The following SLC17A8 variants were observed in gnomAD, a reference collection of about 807,000 sequenced individuals.
The protein encoded by SLC17A8 is vesicular glutamate transporter 3.
Under a neutral mutation model 58.0 loss-of-function variants are expected in SLC17A8, and 31 were observed. The observed-to-expected ratio is 0.53, with a 90% CI of 0.40 to 0.72. SLC17A8 has a LOEUF of 0.72. Among genes scored for constraint, SLC17A8 ranks in the 30% least tolerant of loss-of-function variants. The pLI is 0.00. For synonymous variants in SLC17A8, 228 were observed against 249.0 expected (o/e 0.92, Z 0.79); for missense variants, 655 against 727.8 (o/e 0.90, Z 1.15).
chr12:100,363,940 G>A (rs1010757363), intron 1 of SLC17A8, among the ~76,000 whole-genome samples: 1 of 151,566 alleles, frequency 6.6e-6, no homozygotes, highest in African/African-American at 2.4e-5. Flanking sequence ...CTACTCAGGA[G>A]GCTGAGGCAG....
At chr12:100,381,092 A>G (rs1476018741) in intron 2 of SLC17A8, 139 bp downstream of exon 2, 1 of 920,908 alleles carries the variant, frequency 1.1e-6, no homozygotes, top group Non-Finnish European at 1.7e-6. Flanking sequence ...CCATCTCAGC[A>G]TCCTCCCATT....
intron 1 of SLC17A8, among the ~76,000 whole-genome samples, chr12:100,374,830 A>T (rs564853048): frequency 2.0e-5 from 3 of 152,066 alleles, no homozygotes; most frequent in Non-Finnish European, 4.4e-5. Flanking sequence ...TGGGCAAAGA[A>T]AAGTGAGATC....
chr12:100,357,495 A>G lies in SLC17A8; in HGVS notation c.101+3A>G, dbSNP rs1478735314. 3 of 1,592,292 alleles carry G rather than the reference A, an allele frequency of 1.9e-6. No individual in the cohort carries two copies. Among genetic ancestry groups the G allele is most frequent in the Admixed American group, 1.7e-5 (1 of 59,986 alleles). On this transcript the variant is annotated splice_donor_region_variant and intron_variant, in intron 1 of 11. Transcript: ENST00000323346. ...GATTCTTTGGGAATTTTACAAAGGT[A>G]AAGTTTGAATGCGAACTTTAGTTCC...
intron 5 of SLC17A8, among the ~76,000 whole-genome samples, chr12:100,399,119 A>G (rs964315723): frequency 2.6e-5 from 4 of 152,160 alleles, no homozygotes; most frequent in African/African-American, 9.7e-5. Context: ...AGGCTGAGGG[A>G]GGAAAAAAGA....
intron 9 of SLC17A8, among the ~76,000 whole-genome samples, chr12:100,405,430 G>A (rs950252009): frequency 1.3e-5 from 2 of 152,126 alleles, no homozygotes; most frequent in Non-Finnish European, 2.9e-5. Context: ...CTTGAGATGG[G>A]AGTTTATCCT....
At chr12:100,394,372 G>A (rs1173317683) in intron 4 of SLC17A8, among the ~76,000 whole-genome samples, 1 of 145,872 alleles carries the variant, frequency 6.9e-6, no homozygotes, top group Non-Finnish European at 1.5e-5. Context: ...GAAATCATGG[G>A]TTTGATGTGT....
chr12:100,364,558 G>C (rs1418354977), intron 1 of SLC17A8, among the ~76,000 whole-genome samples: 2 of 152,324 alleles, frequency 1.3e-5, no homozygotes, highest in Non-Finnish European at 2.9e-5. Flanking sequence ...GAGGACGGAA[G>C]CTAGCTGACA....
At chr12:100,359,819 C>A (rs1027530352) in intron 1 of SLC17A8, among the ~76,000 whole-genome samples, 2 of 152,326 alleles carry the variant, frequency 1.3e-5, no homozygotes, top group Admixed American at 6.5e-5. Flanking sequence ...ATTTCCCTCT[C>A]ATTTCACTGC....
At chr12:100,413,641 G>A (rs1011803929) in intron 10 of SLC17A8, among the ~76,000 whole-genome samples, 9 of 152,208 alleles carry the variant, frequency 5.9e-5, no homozygotes, top group African/African-American at 1.9e-4. Context: ...GTCAAAGAGT[G>A]AAATTTAGTT....
At chr12:100,400,495 A>G (rs545793469) in intron 5 of SLC17A8, among the ~76,000 whole-genome samples, 4 of 152,146 alleles carry the variant, frequency 2.6e-5, no homozygotes, top group Admixed American at 1.3e-4. Flanking sequence ...GAGTCTCTTG[A>G]CTTCCTCGGG....
intron 1 of SLC17A8, among the ~76,000 whole-genome samples, chr12:100,377,457 A>T (rs1952601925): frequency 6.6e-6 from 1 of 151,816 alleles, no homozygotes; most frequent in Non-Finnish European, 1.5e-5. Flanking sequence ...TTAAGTAATT[A>T]GGCTAAAGTC....
intron 1 of SLC17A8, among the ~76,000 whole-genome samples, chr12:100,369,155 A>G (rs1952542349): frequency 6.6e-6 from 1 of 152,150 alleles, no homozygotes; most frequent in Non-Finnish European, 1.5e-5. Context: ...ACGTGCCTGT[A>G]ATCCCAGCTA....
At chr12:100,390,336 TTTTG>T (rs932293730) in intron 2 of SLC17A8, among the ~76,000 whole-genome samples, 28 of 140,756 alleles carry the variant, frequency 2.0e-4, no homozygotes, top group African/African-American at 6.7e-4. Flanking sequence ...GAGCAGGGAC[TTTTG>T]TTTGTTTGTT....
rs1952938561 is a variant in SLC17A8, at chr12:100,420,137, G to T, written c.1748G>T (p.Arg583Ile). The change falls in exon 12 of 12, where the codon AGA becomes ATA. Residue 583 changes from arginine to isoleucine, a missense_variant. Transcript: ENST00000323346. The part of the protein sequence containing the change: ...EELTSYQNEE[R>I]NFSTIS ...CTGACATCCTACCAGAATGAAGAGAGAAACTTCTCAACTATATCCTAATGT... is the reference window on the plus strand; with the variant it reads ...CTGACATCCTACCAGAATGAAGAGATAAACTTCTCAACTATATCCTAATGT... The T allele has an allele frequency of 6.2e-7, 1 of 1,613,318 alleles. No homozygotes were observed. The highest frequency in any genetic ancestry group is 8.5e-7 in the Non-Finnish European group (1 of 1,179,722).
At position 100,412,719 on chromosome 12, in the gene SLC17A8, G is replaced by A. The variant is rs770638063; in HGVS notation, c.1187-51G>A. On this transcript the variant is annotated intron_variant, in intron 9 of 11. Transcript: ENST00000323346. The stretch of plus-strand genomic sequence containing the variant: ...TTATTTGATAAATAAATGAACTTGG[G>A]TTGACCGATATGAAAATGACATTTT... 10 of 1,187,410 alleles carry A rather than the reference G, an allele frequency of 8.4e-6. No homozygotes were observed. In the South Asian group the frequency reaches 1.2e-4, roughly 14 times the overall value. The allele number at this position is 1,187,410 out of a possible 1,614,324, so 73.6% of individuals were successfully genotyped here. A position where few individuals can be genotyped will look rare whatever the true frequency, so the allele number is the denominator to read the frequency against.
At chr12:100,366,864 A>G (rs1387785632) in intron 1 of SLC17A8, among the ~76,000 whole-genome samples, 2 of 152,150 alleles carry the variant, frequency 1.3e-5, no homozygotes, top group Non-Finnish European at 2.9e-5. Context: ...TGAGATTCCT[A>G]TGGGCTGATT....
intron 9 of SLC17A8, among the ~76,000 whole-genome samples, chr12:100,409,751 T>A (rs2136012264): frequency 6.6e-6 from 1 of 152,164 alleles, no homozygotes; most frequent in African/African-American, 2.4e-5. Flanking sequence ...GAGAAGAGTA[T>A]CCCAGGTAAA....
intron 9 of SLC17A8, among the ~76,000 whole-genome samples, chr12:100,405,029 G>C (rs768265112): frequency 6.6e-6 from 1 of 152,216 alleles, no homozygotes; most frequent in Non-Finnish European, 1.5e-5. Flanking sequence ...GACGGATTGC[G>C]TATGCTCTGA....
rs1952950497 is a variant in SLC17A8, at chr12:100,421,666, T to TG, written c.*1507_*1508insG. Reference sequence around the variant, plus strand: ...GCTTATTATTGTAAAGTGTTTTTTTTTTTTTTTTTTTTTTCTAATTTCTCC... The same window carrying TG: ...GCTTATTATTGTAAAGTGTTTTTTTTGTTTTTTTTTTTTTTCTAATTTCTCC... On this transcript the variant is annotated 3_prime_UTR_variant, in exon 12 of 12. Transcript: ENST00000323346. 2.4e-5 allele frequency: 2 copies of TG among 82,890 alleles called. No individual in the cohort carries two copies. Among genetic ancestry groups the TG allele is most frequent in the South Asian group, 7.1e-4 (2 of 2,826 alleles). The allele number at this position is 82,890 out of a possible 1,614,324, so 5.1% of individuals were successfully genotyped here. A position where few individuals can be genotyped will look rare whatever the true frequency, so the allele number is the denominator to read the frequency against.
Sources: allele counts gnomAD v4.1 joint callset (sites outside exome capture counted in the v4.1 genomes callset), GRCh38; gene constraint gnomAD v4.1.1; transcripts MANE v1.5; gene names NCBI Gene and HGNC (gene_info 2026-07-23, HGNC 2026-07-21).